The following FABP4 variants were observed in gnomAD, a reference collection of about 807,000 sequenced individuals.
The protein encoded by FABP4 is fatty acid-binding protein, adipocyte.
Under a neutral mutation model 14.6 loss-of-function variants are expected in FABP4, and 17 were observed. The observed-to-expected ratio is 1.16, with a 90% confidence interval of 0.80 to 1.74. The LOEUF (loss-of-function observed/expected upper bound fraction) is 1.74, where lower values mean the gene tolerates loss of function less well. Ranked by LOEUF, FABP4 falls within the 40% of genes most tolerant of loss-of-function variation. The pLI is 0.00. For synonymous variants in FABP4, 54 were observed against 54.6 expected (o/e 0.99, Z 0.05); for missense variants, 149 against 160.3 (o/e 0.93, Z 0.38).
At chr8:81,482,266 C>A (rs946962486) in intron 1 of FABP4, among the ~76,000 whole-genome samples, 2 of 152,128 alleles carry the variant, frequency 1.3e-5, no homozygotes, top group African/African-American at 4.8e-5. Flanking sequence ...AGTTTGCTAA[C>A]CCCAGTTCTG....
chr8:81,478,845 C>G lies in FABP4; in HGVS notation c.*20G>C. 2 of 1,609,360 alleles carry G rather than the reference C, an allele frequency of 1.2e-6. No individual in the cohort carries two copies. The highest frequency in any genetic ancestry group is 1.7e-6 in the Non-Finnish European group (2 of 1,176,656). On this transcript the variant is annotated 3_prime_UTR_variant, in exon 4 of 4. Coordinates refer to ENST00000256104, the MANE Select transcript of FABP4 (RefSeq NM_001442.3). ...TGTAGAGTTCAATGCGAACTTCAGT[C>G]CAGGTCAACGTCCCTTGGCTTATGC...
chr8:81,479,736 T>A lies in FABP4; in HGVS notation c.247-221A>T, dbSNP rs558488205. On this transcript the variant is annotated intron_variant, in intron 2 of 3. Transcript: ENST00000256104. ...ATACAAATTACATAATTGGAAAAAT[T>A]ACTGTGAAGGAATATGAAAAAGAAA... The A allele has an allele frequency of 2.3e-5, 7 of 307,462 alleles. No individual in the cohort carries two copies. The Admixed American group carries it at 2.8e-4, about 12-fold the overall frequency. The allele number at this position is 307,462 out of a possible 1,614,324, so 19.0% of individuals were successfully genotyped here.
rs73694939 is a variant in FABP4 at position 81,479,575 on chromosome 8, T to C, written c.247-60A>G. 4,533 of 1,192,574 alleles carry C rather than the reference T, an allele frequency of 3.8e-3. 137 individuals carry two copies. The African/African-American group carries it at 0.061, about 16-fold the overall frequency. 73.9% of individuals were successfully genotyped at this position (1,192,574 alleles called of 1,614,324 possible). A position where few individuals can be genotyped will look rare whatever the true frequency, so the allele number is the denominator to read the frequency against. On this transcript the variant is annotated intron_variant, in intron 2 of 3. Coordinates refer to ENST00000256104, the MANE Select transcript of FABP4 (RefSeq NM_001442.3). ...GAGGGAGGCAGAAAAAAATTTAAAATAGAGTGCCTTTGTTCAAAGGAATAT... is the reference window on the plus strand; with the variant it reads ...GAGGGAGGCAGAAAAAAATTTAAAACAGAGTGCCTTTGTTCAAAGGAATAT...
In FABP4 at chr8:81,480,170, T is replaced by C. The variant is rs149878378; in HGVS notation, c.246+256A>G. Among the ~76,000 whole-genome samples the C allele has an allele frequency of 7.4e-4, 112 of 152,270 alleles. 1 individual carries two copies. The highest frequency in any genetic ancestry group is 2.4e-3 in the African/African-American group (98 of 41,572). ...GCTGTAGTGAGCTATGATTGTGCCA[T>C]GTCACCGCAGCCTGTTTGACAGAGT... On this transcript the variant is annotated intron_variant, in intron 2 of 3. Transcript: ENST00000256104.
intron 1 of FABP4, 27 bp downstream of exon 1, chr8:81,483,068 C>A (rs757881560): frequency 1.3e-6 from 2 of 1,547,444 alleles, no homozygotes; most frequent in South Asian, 1.2e-5. Flanking sequence ...ATTATAAATC[C>A]AGTCATTCCA....
Position 81,479,462 on chromosome 8 carries a change from T to C in FABP4, c.300A>G (p.Gly100=), listed in dbSNP as rs1808032110. The C allele has an allele frequency of 6.2e-7, 1 of 1,613,468 alleles. No individual in the cohort carries two copies. The highest frequency in any genetic ancestry group is 1.3e-5 in the African/African-American group (1 of 75,002). ...GTTTTCTCTTTATGGTGGTTGATTT[T>C]CCATCCCATTTCTGCACATGTACCA... ...GVLVHVQKWD[G]KSTTIKRKRE... is the part of the protein sequence containing the mutation. Residue 100 remains glycine (G), a synonymous_variant, in exon 3 of 4, where the codon GGA becomes GGG. Coordinates refer to ENST00000256104, the MANE Select transcript of FABP4 (RefSeq NM_001442.3).
rs759740216 is a variant in FABP4 at position 81,480,613 on chromosome 8, AG to A, written c.74-16del. 10 of 1,597,620 alleles carry A rather than the reference AG, an allele frequency of 6.3e-6. No individual in the cohort carries two copies. The highest frequency in any genetic ancestry group is 3.4e-5 in the South Asian group (3 of 88,584). Reference sequence around the variant, plus strand: ...AAAGCCCACTCCTACAGTTAGGAAAAGAAAAGATGTCAGATTTACATTTTCT... The same window carrying A: ...AAAGCCCACTCCTACAGTTAGGAAAAAAAAGATGTCAGATTTACATTTTCT... On this transcript the variant is annotated splice_polypyrimidine_tract_variant and intron_variant, in intron 1 of 3. Transcript: ENST00000256104.
chr8:81,482,733 A>G (rs1489885088), intron 1 of FABP4, among the ~76,000 whole-genome samples: 5 of 152,176 alleles, frequency 3.3e-5, no homozygotes, highest in African/African-American at 4.8e-5. Flanking sequence ...ACTTTTTTCC[A>G]AGTTATTGCT....
chr8:81,478,900 C>T lies in FABP4; in HGVS notation c.364G>A (p.Gly122Ser), dbSNP rs1808016397. The T allele has an allele frequency of 1.9e-6, 3 of 1,613,096 alleles. No individual in the cohort carries two copies. The highest frequency in any genetic ancestry group is 1.3e-5 in the African/African-American group (1 of 74,866). ...DKLVVECVMK[G>S]VTSTRVYERA Reference sequence around the variant, plus strand: ...TCATAAACTCTCGTGGAAGTGACGCCTTTCATGACGCATTCCTAGACACAA... The same window carrying T: ...TCATAAACTCTCGTGGAAGTGACGCTTTTCATGACGCATTCCTAGACACAA... Residue 122 changes from glycine to serine, a missense_variant, in exon 4 of 4, where the codon GGC becomes AGC. By Grantham distance (56) the Gly-to-Ser change is moderately conservative. Coordinates refer to ENST00000256104, the MANE Select transcript of FABP4 (RefSeq NM_001442.3).
intron 1 of FABP4, among the ~76,000 whole-genome samples, chr8:81,482,160 CA>C (rs5892765): frequency 0.17 from 25,608 of 151,636 alleles, 3,166 homozygotes; most frequent in East Asian, 0.68. Flanking sequence ...TACAGACAAG[CA>C]AAAAAATATA....
At position 81,479,412 on chromosome 8, in the gene FABP4, A is replaced by G. The variant is rs111339152; in HGVS notation, c.348+2T>C. 617 of 1,609,100 alleles carry G rather than the reference A, an allele frequency of 3.8e-4. No individual in the cohort carries two copies. The highest frequency in any genetic ancestry group is 5.0e-4 in the Non-Finnish European group (584 of 1,175,634). ...AGAATTAAGTAGCTAGAAGATACTC[A>G]CCACCACCAGTTTATCATCCTCTCG... On this transcript the variant is annotated splice_donor_variant, in intron 3 of 3. Transcript: ENST00000256104. LOFTEE classifies it high-confidence loss of function.
chr8:81,479,595 G>GC, intron 2 of FABP4, 80 bp from the exon 3 acceptor site: 1 of 943,230 alleles, frequency 1.1e-6, no homozygotes, highest in Non-Finnish European at 1.7e-6. Context: ...TTGTTCAAAG[G>GC]AATATTTTGA....
At chr8:81,479,683 CT>C (rs1426509354) in intron 2 of FABP4, 168 bp from the exon 3 acceptor site, 2 of 529,508 alleles carry the variant, frequency 3.8e-6, no homozygotes, top group Non-Finnish European at 6.7e-6. Flanking sequence ...AACATAACCA[CT>C]TATGGATACG....
intron 1 of FABP4, 40 bp from the exon 2 acceptor site, chr8:81,480,638 C>G: frequency 6.4e-7 from 1 of 1,558,876 alleles, no homozygotes; most frequent in Non-Finnish European, 8.7e-7. Context: ...TTTACATTTT[C>G]TCTCACGTAC....
chr8:81,480,260 A>C (rs1808056548), intron 2 of FABP4, among the ~76,000 whole-genome samples, 166 bp downstream of exon 2: 1 of 152,170 alleles, frequency 6.6e-6, no homozygotes, highest in African/African-American at 2.4e-5. Context: ...AAATGGGGAA[A>C]AATTCACCAA....
chr8:81,478,493 T>G lies in FABP4; in HGVS notation c.*372A>C. 1 of 164,442 alleles carries G rather than the reference T, an allele frequency of 6.1e-6. No individual in the cohort carries two copies. Among genetic ancestry groups the G allele is most frequent in the Admixed American group, 6.1e-5 (1 of 16,328 alleles). The allele number at this position is 164,442 out of a possible 1,614,324, so 10.2% of individuals were successfully genotyped here. A position where few individuals can be genotyped will look rare whatever the true frequency, so the allele number is the denominator to read the frequency against. On this transcript the variant is annotated 3_prime_UTR_variant, in exon 4 of 4. Coordinates refer to ENST00000256104, the MANE Select transcript of FABP4 (RefSeq NM_001442.3). ...TAACTGTAGCTATGGTAAAGAAGGATTTAATATTCAGTAATGGTACATACT... is the reference window on the plus strand; with the variant it reads ...TAACTGTAGCTATGGTAAAGAAGGAGTTAATATTCAGTAATGGTACATACT...
intron 3 of FABP4, 21 bp from the exon 4 acceptor site, chr8:81,478,936 T>C (rs1563527503): frequency 6.2e-7 from 1 of 1,604,022 alleles, no homozygotes; most frequent in Non-Finnish European, 8.5e-7. Context: ...AAAACAATTC[T>C]TGGTCAATCA....
intron 3 of FABP4, 130 bp from the exon 4 acceptor site, chr8:81,479,045 A>G: frequency 2.7e-6 from 2 of 747,006 alleles, no homozygotes; most frequent in East Asian, 5.2e-5. Flanking sequence ...TATATATGTA[A>G]CCCATATATT....
At chr8:81,479,672 C>T (rs757396690) in intron 2 of FABP4, 157 bp from the exon 3 acceptor site, 2 of 545,932 alleles carry the variant, frequency 3.7e-6, no homozygotes, top group Non-Finnish European at 6.5e-6. Context: ...TCAAAAACAA[C>T]AACATAACCA....
Sources: gnomAD v4.1 joint callset for allele counts (sites outside exome capture counted in the v4.1 genomes callset) on GRCh38, gnomAD v4.1.1 for gene constraint, MANE v1.5 for transcripts, NCBI Gene and HGNC (gene_info 2026-07-23, HGNC 2026-07-21) for gene names.